Variants in HM13 observed in about 807,000 individuals in gnomAD.
The protein encoded by HM13 is histocompatibility minor 13, also known as signal peptide peptidase.
Under a neutral mutation model 50.0 loss-of-function variants are expected in HM13, and 18 were observed. The observed-to-expected ratio is 0.36, with a 90% CI of 0.25 to 0.53. HM13 has a LOEUF of 0.53. Among genes scored for constraint, HM13 ranks in the 20% least tolerant of loss-of-function variants. The pLI is 0.90. For missense variants in HM13, 393 were observed against 552.4 expected, an observed-to-expected ratio of 0.71 and a Z score of 2.89; for synonymous variants, 197 against 232.6, an observed-to-expected ratio of 0.85 and a Z score of 1.39.
In HM13 at chr20:31,561,733, T is replaced by G; in HGVS notation, c.945T>G (p.Ala315=). Residue 315 remains alanine, a synonymous_variant, in exon 10 of 13, where the codon GCT becomes GCG. Transcript: ENST00000398174. The part of the protein sequence containing the change: ...TIFIMHIFKH[A]QPALLYLVPA... ...TCATCATGCACATCTTCAAGCATGC[T>G]CAGGTGGGCAGGACGGTATCAGAGT... The G allele has an allele frequency of 6.2e-7, 1 of 1,602,460 alleles. No homozygotes were observed. The highest frequency in any genetic ancestry group is 8.6e-7 in the Non-Finnish European group (1 of 1,169,334).
Position 31,569,100 on chromosome 20 carries a change from GTTTT to G in HM13, c.1182-10_1182-7del, listed in dbSNP as rs72290697. 3 of 1,190,666 alleles carry G rather than the reference GTTTT, an allele frequency of 2.5e-6. No homozygotes were observed. The highest frequency in any genetic ancestry group is 1.5e-5 in the South Asian group (1 of 68,292). The allele number at this position is 1,190,666 out of a possible 1,614,324, so 73.8% of individuals were successfully genotyped here. ...CTCCTCTAAATGAATTTTTATTGTT[GTTTT>G]TTTTTTTTTGGTCAGTTATGAGGAG... is the stretch of plus-strand genomic sequence containing the variant. On this transcript the variant is annotated splice_polypyrimidine_tract_variant and intron_variant, in intron 12 of 12. Transcript: ENST00000398174.
At chr20:31,563,636 G>T (rs1020738843) in intron 10 of HM13, among the ~76,000 whole-genome samples, 6 of 152,080 alleles carry the variant, frequency 3.9e-5, no homozygotes, top group Admixed American at 6.5e-5. Context: ...CTTAGGGATT[G>T]TTAGATTCAA....
intron 4 of HM13, chr20:31,547,518 T>C: frequency 1.3e-6 from 1 of 759,242 alleles, no homozygotes; most frequent in African/African-American, 1.8e-5. Flanking sequence ...TCAAGAAGTT[T>C]GATGAAAAGG....
chr20:31,557,736 G>A (rs956117391), intron 8 of HM13, among the ~76,000 whole-genome samples: 4 of 113,742 alleles, frequency 3.5e-5, no homozygotes, highest in Non-Finnish European at 6.8e-5. Flanking sequence ...TTGAGATGGA[G>A]TTTTGCTCTT....
intron 1 of HM13, among the ~76,000 whole-genome samples, chr20:31,524,559 G>A (rs1982369235): frequency 1.3e-5 from 2 of 151,982 alleles, no homozygotes. Flanking sequence ...TAGCCCCACC[G>A]ACTCAGTATG....
chr20:31,567,796 G>T, intron 11 of HM13: 1 of 370,752 alleles, frequency 2.7e-6, no homozygotes, highest in East Asian at 5.1e-5. Context: ...TCTGCACATT[G>T]GGTTTCTACG....
intron 4 of HM13, among the ~76,000 whole-genome samples, chr20:31,545,473 A>T (rs941909850): frequency 1.3e-5 from 2 of 152,142 alleles, no homozygotes; most frequent in African/African-American, 4.8e-5. Flanking sequence ...TTTTTTCAAA[A>T]ATAAAAACTG....
intron 2 of HM13, among the ~76,000 whole-genome samples, chr20:31,533,256 G>A (rs758747112): frequency 3.3e-5 from 5 of 152,140 alleles, no homozygotes; most frequent in Admixed American, 2.6e-4. Flanking sequence ...TAATCCCAAC[G>A]CTTTGGGAGG....
In HM13 at chr20:31,538,230, C is replaced by T; in HGVS notation, c.334C>T (p.Leu112=). ...CCTGCTGTCCATGTATTTCTTCGTG[C>T]TGGGAATCCTGGCCCTGTCCCACAC... ...NLLLSMYFFV[L]GILALSHTIS... Residue 112 remains leucine (L), a synonymous_variant, in exon 3 of 13, where the codon CTG becomes TTG. Coordinates refer to ENST00000398174, the MANE Select transcript of HM13 (RefSeq NM_178581.3). The T allele has an allele frequency of 6.2e-7, 1 of 1,614,058 alleles. No homozygotes were observed. The highest frequency in any genetic ancestry group is 8.5e-7 in the Non-Finnish European group (1 of 1,179,926).
At chr20:31,568,270 C>T (rs374583138) in intron 12 of HM13, 46 bp downstream of exon 12, 111 of 1,599,484 alleles carry the variant, frequency 6.9e-5, no homozygotes, top group African/African-American at 9.4e-5. Context: ...CCTACTGCCC[C>T]GGGGCCCAAG....
In HM13 at chr20:31,566,242, C is replaced by T. The variant is rs200561360; in HGVS notation, c.981C>T (p.Ile327=). 73 of 1,614,024 alleles carry T rather than the reference C, an allele frequency of 4.5e-5. No homozygotes were observed. Among genetic ancestry groups the T allele is most frequent in the East Asian group, 2.2e-5 (1 of 44,850 alleles). ...TCCTATACCTGGTCCCCGCCTGCAT[C>T]GGTTTTCCTGTCCTGGTGGCGCTGG... ...PALLYLVPAC[I]GFPVLVALAK... Residue 327 remains isoleucine (I), a synonymous_variant, in exon 11 of 13, where the codon ATC becomes ATT. Coordinates refer to ENST00000398174, the MANE Select transcript of HM13 (RefSeq NM_178581.3).
rs1457919540 is a variant in HM13 at position 31,549,040 on chromosome 20, T to C, written c.466T>C (p.Tyr156His). ...SGENKEEIIN[Y>H]EFDTKDLVCL... ...GCCTCTCTGCTCAGAGATCATCAAT[T>C]ATGAATTTGACACCAAGGACCTGGT... is the stretch of plus-strand genomic sequence containing the variant. Residue 156 changes from tyrosine (Y) to histidine (H), a missense_variant, in exon 5 of 13, where the codon TAT becomes CAT. Tyr to His is a moderately conservative substitution (Grantham distance 83). This residue lies in a region of HM13 where 214 missense variants were observed against 276.1 expected (regional missense o/e 0.77). Transcript: ENST00000398174. 2.5e-6 allele frequency: 4 copies of C among 1,613,928 alleles called. No individual in the cohort carries two copies. In the Admixed American group the frequency reaches 6.7e-5, roughly 27 times the overall value.
intron 8 of HM13, 79 bp from the exon 9 acceptor site, chr20:31,559,532 G>A: frequency 1.4e-6 from 2 of 1,405,104 alleles, no homozygotes; most frequent in Non-Finnish European, 2.0e-6. Context: ...CACCAGGTTG[G>A]GGACCAGGAC....
chr20:31,561,509 C>T (rs1208988898), intron 9 of HM13, 125 bp from the exon 10 acceptor site: 1 of 695,588 alleles, frequency 1.4e-6, no homozygotes, highest in Admixed American at 2.0e-5. Flanking sequence ...CCTCCAGACT[C>T]CCAGCCCAGA....
intron 11 of HM13, among the ~76,000 whole-genome samples, chr20:31,566,990 A>C (rs1984956665): frequency 1.3e-5 from 2 of 152,104 alleles, no homozygotes; most frequent in African/African-American, 2.4e-5. Context: ...CCTTCCGCCC[A>C]GTTCCACCTG....
At chr20:31,561,486 G>A in intron 9 of HM13, 148 bp from the exon 10 acceptor site, 2 of 645,636 alleles carry the variant, frequency 3.1e-6, no homozygotes, top group Non-Finnish European at 5.7e-6. Context: ...GGCAGTATCA[G>A]CGTGCACACC....
chr20:31,551,714 C>T (rs1295427296), intron 7 of HM13, among the ~76,000 whole-genome samples: 3 of 152,170 alleles, frequency 2.0e-5, no homozygotes, highest in South Asian at 2.1e-4. Flanking sequence ...AGCACTGGCT[C>T]GTGGCGACAG....
chr20:31,565,437 C>T (rs1984851716), intron 10 of HM13, among the ~76,000 whole-genome samples: 1 of 148,384 alleles, frequency 6.7e-6, no homozygotes, highest in Admixed American at 6.7e-5. Flanking sequence ...CAAGATTGCA[C>T]CATTGCACTC....
chr20:31,559,856 G>A (rs115086797), intron 9 of HM13, among the ~76,000 whole-genome samples: 417 of 152,346 alleles, frequency 2.7e-3, no homozygotes, highest in African/African-American at 9.6e-3. Context: ...CATAGGCCAA[G>A]AGATTTAAAC....
Sources: gnomAD v4.1 joint callset for allele counts (sites outside exome capture counted in the v4.1 genomes callset) on GRCh38, gnomAD v4.1.1 for gene constraint, gnomAD v4.1.1 regional missense constraint, MANE v1.5 for transcripts, NCBI Gene and HGNC (gene_info 2026-07-23, HGNC 2026-07-21) for gene names.